The following LRRC40 variants were observed in gnomAD, a reference collection of about 807,000 sequenced individuals.
LRRC40 encodes the protein leucine-rich repeat-containing protein 40.
LRRC40 carries 76 observed loss-of-function variants against 72.8 expected under a neutral mutation model. The ratio of observed to expected loss-of-function variants is 1.04; its 90% confidence interval spans 0.87 to 1.26. The LOEUF is 1.26. Ranked by LOEUF, LRRC40 falls within the 50% of genes most tolerant of loss-of-function variation. The pLI is 0.00. For missense variants in LRRC40, 684 were observed against 698.9 expected (o/e 0.98, Z 0.24); for synonymous variants, 243 against 254.2 (o/e 0.96, Z 0.42).
chr1:70,179,266 G>A (rs755736547), intron 5 of LRRC40, among the ~76,000 whole-genome samples: 4 of 152,144 alleles, frequency 2.6e-5, no homozygotes, highest in Non-Finnish European at 5.9e-5. Flanking sequence ...CGGATCACTT[G>A]AGTTCTGGAG....
In LRRC40 at chr1:70,178,946, G is replaced by A. The variant is rs996155014; in HGVS notation, c.709C>T (p.Pro237Ser). The A allele has an allele frequency of 1.2e-6, 2 of 1,601,146 alleles. No individual in the cohort carries two copies. Among genetic ancestry groups the A allele is most frequent in the African/African-American group, 2.7e-5 (2 of 74,852 alleles). ...CNSNLLETIPPELAGMESLEL... is the reference protein window; with the variant it reads ...CNSNLLETIPSELAGMESLEL... ...AGTGATTCCATGCCAGCCAATTCAG[G>A]AGGTATAGTTTCCAAGAGATTTGAA... The change falls in exon 6 of 15, where the codon CCT (proline) becomes TCT (serine). Residue 237 changes from proline (P) to serine (S), a missense_variant. By Grantham distance (74) the Pro-to-Ser change is moderately conservative. Coordinates refer to ENST00000370952, the MANE Select transcript of LRRC40 (RefSeq NM_017768.5).
At chr1:70,194,865 A>T (rs565489771) in intron 1 of LRRC40, among the ~76,000 whole-genome samples, 2 of 152,300 alleles carry the variant, frequency 1.3e-5, no homozygotes, top group South Asian at 2.1e-4. Flanking sequence ...TAGCATAAGG[A>T]TAAACACATA....
rs772206688 is a variant in LRRC40 at position 70,161,089 on chromosome 1, A to AT, written c.1112-1652dup. 7.9e-3 allele frequency among the ~76,000 whole-genome samples: 1,118 copies of AT among 142,240 alleles called. 7 individuals are homozygous for AT. Among genetic ancestry groups the AT allele is most frequent in the Middle Eastern group, 0.031 (8 of 260 alleles). 93.3% of individuals were successfully genotyped at this position (142,240 alleles called of 152,430 possible). A position where few individuals can be genotyped will look rare whatever the true frequency, so the allele number is the denominator to read the frequency against. On this transcript the variant is annotated intron_variant, in intron 9 of 14. Transcript: ENST00000370952. ...TAAGCAAGAACGCAGATATCTCATT[A>AT]TTTTTTTTTTTTTTCTGAGAGGGAG... is the stretch of plus-strand genomic sequence containing the variant.
intron 1 of LRRC40, among the ~76,000 whole-genome samples, chr1:70,203,264 G>A (rs1668788603): frequency 6.6e-6 from 1 of 152,182 alleles, no homozygotes; most frequent in South Asian, 2.1e-4. Flanking sequence ...ACTTTTGTAT[G>A]CTGTGCTAAA....
At chr1:70,198,242 A>G (rs899851418) in intron 1 of LRRC40, among the ~76,000 whole-genome samples, 5 of 152,172 alleles carry the variant, frequency 3.3e-5, no homozygotes, top group Admixed American at 2.6e-4. Flanking sequence ...CCTTACACCC[A>G]TATTTCCCTT....
chr1:70,182,970 A>T (rs549881627), intron 4 of LRRC40, among the ~76,000 whole-genome samples: 7 of 152,008 alleles, frequency 4.6e-5, no homozygotes, highest in Non-Finnish European at 8.8e-5. Flanking sequence ...CTCCAAATGG[A>T]CTCTTTTAAA....
intron 4 of LRRC40, 69 bp from the exon 5 acceptor site, chr1:70,181,278 G>T: frequency 1.0e-6 from 1 of 1,001,192 alleles, no homozygotes; most frequent in Non-Finnish European, 1.4e-6. Context: ...GCCCTAAAAA[G>T]GATTTCAAAT....
intron 14 of LRRC40, chr1:70,147,825 C>T (rs761240551): frequency 1.1e-4 from 17 of 152,148 alleles, no homozygotes; most frequent in Non-Finnish European, 2.1e-4. Flanking sequence ...GGCTTTCTGT[C>T]GATACCTCAA....
At chr1:70,153,972 CAAAAAAAAAAA>C (rs1042976831) in intron 11 of LRRC40, among the ~76,000 whole-genome samples, 1,262 of 58,212 alleles carry the variant, frequency 0.022, 14 homozygotes, top group Middle Eastern at 0.051. Flanking sequence ...GATCCTGTCT[CAAAAAAAAAAA>C]AAAAAAAAAA....
chr1:70,164,220 A>T (rs1478179790), intron 9 of LRRC40, among the ~76,000 whole-genome samples: 2 of 151,894 alleles, frequency 1.3e-5, no homozygotes, highest in South Asian at 4.1e-4. Flanking sequence ...GAGAAACCCT[A>T]TCTCTACTAA....
chr1:70,156,910 C>A (rs1483135311), intron 10 of LRRC40, among the ~76,000 whole-genome samples: 1 of 152,026 alleles, frequency 6.6e-6, no homozygotes, highest in East Asian at 1.9e-4. Context: ...CACAAGTAAC[C>A]CAAATTGCAG....
intron 9 of LRRC40, among the ~76,000 whole-genome samples, chr1:70,164,409 A>G (rs1176056758): frequency 6.6e-6 from 1 of 152,142 alleles, no homozygotes; most frequent in African/African-American, 2.4e-5. Context: ...AAAGAAAAAA[A>G]GAGTGCCAAT....
intron 9 of LRRC40, among the ~76,000 whole-genome samples, chr1:70,168,947 C>T (rs1016291662): frequency 2.6e-5 from 4 of 152,006 alleles, no homozygotes; most frequent in Non-Finnish European, 4.4e-5. Context: ...GCTATAAATG[C>T]CTATGTCAAG....
intron 4 of LRRC40, among the ~76,000 whole-genome samples, chr1:70,183,666 C>T (rs1668298432): frequency 6.6e-6 from 1 of 152,054 alleles, no homozygotes; most frequent in African/African-American, 2.4e-5. Context: ...ACTTCCCTGC[C>T]TCAGCCTTCT....
chr1:70,178,662 A>T (rs1668163336), intron 6 of LRRC40, among the ~76,000 whole-genome samples, 189 bp downstream of exon 6: 1 of 152,192 alleles, frequency 6.6e-6, no homozygotes, highest in Non-Finnish European at 1.5e-5. Flanking sequence ...CTTTTAAAAA[A>T]TGTATTACTA....
intron 1 of LRRC40, among the ~76,000 whole-genome samples, chr1:70,198,055 C>T (rs1417539434): frequency 6.6e-6 from 1 of 152,140 alleles, no homozygotes; most frequent in African/African-American, 2.4e-5. Context: ...AGCCACAGCA[C>T]CTGACCCCGT....
At chr1:70,184,011 G>A (rs942114351) in intron 4 of LRRC40, among the ~76,000 whole-genome samples, 2 of 152,158 alleles carry the variant, frequency 1.3e-5, no homozygotes, top group Admixed American at 1.3e-4. Context: ...AACTTTGGGA[G>A]GCTGAGGAGG....
At chr1:70,164,090 A>T (rs1295819734) in intron 9 of LRRC40, among the ~76,000 whole-genome samples, 2 of 152,044 alleles carry the variant, frequency 1.3e-5, no homozygotes, top group African/African-American at 4.8e-5. Context: ...CTTTTTTTAT[A>T]AGAGTGCCAA....
rs758113682 is a variant in LRRC40, at chr1:70,148,688, C to A, written c.1518-16G>T. 2.6e-6 allele frequency: 4 copies of A among 1,517,206 alleles called. No individual in the cohort carries two copies. Among genetic ancestry groups the A allele is most frequent in the Non-Finnish European group, 2.7e-6 (3 of 1,102,644 alleles). 94.0% of individuals were successfully genotyped at this position (1,517,206 alleles called of 1,614,324 possible). ...CATTTTAAACCTATTAATACATGAA[C>A]AGAACACCTAAATATACTGGAATCA... On this transcript the variant is annotated splice_polypyrimidine_tract_variant and intron_variant, in intron 13 of 14. Coordinates refer to ENST00000370952, the MANE Select transcript of LRRC40 (RefSeq NM_017768.5).
Sources: allele counts gnomAD v4.1 joint callset (sites outside exome capture counted in the v4.1 genomes callset), GRCh38; gene constraint gnomAD v4.1.1; transcripts MANE v1.5; gene names NCBI Gene and HGNC (gene_info 2026-07-23, HGNC 2026-07-21).